UGT1A8: variants seen among roughly 807,000 people sequenced by gnomAD.
The protein encoded by UGT1A8 is UDP glucuronosyltransferase family 1 member A8, also known as UDP-glucuronosyltransferase 1A8.
A neutral mutation model predicts 45.3 loss-of-function variants in UGT1A8; 39 were observed. The ratio of observed to expected loss-of-function variants is 0.86; its 90% CI spans 0.67 to 1.12. UGT1A8 has a LOEUF of 1.12. UGT1A8 is among the 50% of genes most tolerant of loss of function. The pLI is 0.00. For synonymous variants in UGT1A8, 275 were observed against 249.2 expected (o/e 1.10, Z -0.97); for missense variants, 719 against 664.9 (o/e 1.08, Z -0.90).
intron 1 of UGT1A8, among the ~76,000 whole-genome samples, chr2:233,750,317 C>A (rs543565956): frequency 1.3e-5 from 2 of 151,994 alleles, no homozygotes; most frequent in South Asian, 4.1e-4. Flanking sequence ...ATCTGTGGAA[C>A]TTTGAACTTC....
chr2:233,736,227 C>T (rs757902126), intron 1 of UGT1A8, among the ~76,000 whole-genome samples: 1 of 152,164 alleles, frequency 6.6e-6, no homozygotes, highest in Non-Finnish European at 1.5e-5. Flanking sequence ...TCTTTTTTCT[C>T]TAACCTTGTC....
chr2:233,691,532 T>A, intron 1 of UGT1A8: 1 of 985,700 alleles, frequency 1.0e-6, no homozygotes, highest in Non-Finnish European at 1.2e-6. Flanking sequence ...TGACTAGCTC[T>A]GGGCAAGTCT....
chr2:233,658,205 C>A (rs888606290), intron 1 of UGT1A8, among the ~76,000 whole-genome samples: 5 of 151,764 alleles, frequency 3.3e-5, no homozygotes, highest in Admixed American at 3.3e-4. Context: ...TTTTAGTAGA[C>A]ACAGGGTTTC....
At chr2:233,680,774 A>G (rs112245153) in intron 1 of UGT1A8, among the ~76,000 whole-genome samples, 120 of 152,288 alleles carry the variant, frequency 7.9e-4, no homozygotes, top group African/African-American at 2.9e-3. Context: ...GATGAGCACC[A>G]AAGTGATTGG....
At chr2:233,625,988 T>A (rs948415635) in intron 1 of UGT1A8, among the ~76,000 whole-genome samples, 1 of 152,002 alleles carries the variant, frequency 6.6e-6, no homozygotes, top group African/African-American at 2.4e-5. Context: ...ATCCTCATCA[T>A]CTTCCATTGA....
chr2:233,727,163 C>T (rs1212217788), intron 1 of UGT1A8, among the ~76,000 whole-genome samples: 2 of 152,150 alleles, frequency 1.3e-5, no homozygotes, highest in Non-Finnish European at 2.9e-5. Flanking sequence ...TTTCAGGATG[C>T]TTTTTTCTGT....
chr2:233,632,231 A>G (rs1248430569), intron 1 of UGT1A8, among the ~76,000 whole-genome samples: 1 of 152,154 alleles, frequency 6.6e-6, no homozygotes, highest in Non-Finnish European at 1.5e-5. Flanking sequence ...TGTTTTTGTT[A>G]CTGTAGCCTT....
intron 4 of UGT1A8, chr2:233,770,280 A>G (rs889485504): frequency 6.6e-6 from 1 of 152,192 alleles, no homozygotes; most frequent in Non-Finnish European, 1.5e-5. Context: ...CACAAAATAA[A>G]AAGAAGTGGA....
intron 1 of UGT1A8, among the ~76,000 whole-genome samples, chr2:233,668,936 T>C (rs1282662210): frequency 2.6e-5 from 4 of 152,254 alleles, no homozygotes; most frequent in Admixed American, 1.3e-4. Flanking sequence ...TTGTCAGTTT[T>C]GAGCAATTCT....
In UGT1A8 at chr2:233,617,760, T is replaced by C. The variant is rs752937950; in HGVS notation, c.53T>C (p.Leu18Pro). Residue 18 changes from leucine to proline, a missense_variant, in exon 1 of 5, where the codon CTG becomes CCG. Coordinates refer to ENST00000373450, the MANE Select transcript of UGT1A8 (RefSeq NM_019076.5). ...ATTCCCCTATGTGTTTCTCTGCTGC[T>C]GACCTGTGGCTTTGCTGAGGCAGGG... ...SPIPLCVSLL[L>P]TCGFAEAGKL... The C allele has an allele frequency of 5.0e-6, 8 of 1,614,074 alleles. No homozygotes were observed. The Admixed American group carries it at 8.3e-5, about 17-fold the overall frequency.
chr2:233,684,402 G>A (rs148930228), intron 1 of UGT1A8, among the ~76,000 whole-genome samples: 115 of 152,270 alleles, frequency 7.6e-4, no homozygotes, highest in South Asian at 7.5e-3. Context: ...CCATCACTCA[G>A]GTATTGCCTG....
chr2:233,631,611 T>C (rs531105892), intron 1 of UGT1A8, among the ~76,000 whole-genome samples: 26 of 152,330 alleles, frequency 1.7e-4, no homozygotes, highest in African/African-American at 5.5e-4. Context: ...TTTTTTGATA[T>C]GCTTGTTGGT....
intron 1 of UGT1A8, among the ~76,000 whole-genome samples, chr2:233,706,749 AGT>A (rs2075921847): frequency 2.0e-5 from 3 of 152,182 alleles, no homozygotes. Context: ...TGTGAAGCAG[AGT>A]GCCGTACACT....
intron 1 of UGT1A8, chr2:233,682,767 G>A: frequency 6.2e-7 from 1 of 1,613,624 alleles, no homozygotes. Context: ...GGTATCAACT[G>A]TCATCAGGGA....
At chr2:233,754,362 T>G in intron 1 of UGT1A8, 1 of 282,658 alleles carries the variant, frequency 3.5e-6, no homozygotes, top group Non-Finnish European at 6.9e-6. Flanking sequence ...TACAGATATT[T>G]ACAATGATCG....
chr2:233,649,106 G>A, intron 1 of UGT1A8: 1 of 788,776 alleles, frequency 1.3e-6, no homozygotes, highest in Non-Finnish European at 1.8e-6. Flanking sequence ...ACTGGGATTT[G>A]ACATTTGTGT....
At chr2:233,622,775 G>T (rs549291827) in intron 1 of UGT1A8, among the ~76,000 whole-genome samples, 1 of 152,184 alleles carries the variant, frequency 6.6e-6, no homozygotes, top group East Asian at 1.9e-4. Context: ...CATTGCTTTT[G>T]GTGTTTTAGT....
chr2:233,729,056 T>G, intron 1 of UGT1A8: 1 of 1,610,084 alleles, frequency 6.2e-7, no homozygotes, highest in Non-Finnish European at 8.5e-7. Flanking sequence ...ACAAGGTAAT[T>G]AAGATGAAGA....
At chr2:233,715,323 T>A (rs1156310417) in intron 1 of UGT1A8, among the ~76,000 whole-genome samples, 1 of 152,206 alleles carries the variant, frequency 6.6e-6, no homozygotes, top group Non-Finnish European at 1.5e-5. Context: ...TTATACATAG[T>A]GATTAGATTG....
Sources: gnomAD v4.1 joint callset for allele counts (sites outside exome capture counted in the v4.1 genomes callset) on GRCh38, gnomAD v4.1.1 for gene constraint, MANE v1.5 for transcripts, NCBI Gene and HGNC (gene_info 2026-07-23, HGNC 2026-07-21) for gene names.